STK39: variants seen among roughly 807,000 people sequenced by gnomAD.
The protein encoded by STK39 is serine/threonine kinase 39.
STK39 carries 20 observed loss-of-function variants against 77.8 expected under a neutral mutation model. The ratio of observed to expected loss-of-function variants is 0.26; its 90% CI spans 0.18 to 0.37. The LOEUF (loss-of-function observed/expected upper bound fraction) is 0.37, where lower values mean the gene tolerates loss of function less well. Among genes scored for constraint, STK39 ranks in the 10% least tolerant of loss-of-function variants. The pLI is 1.00. For synonymous variants in STK39, 246 were observed against 234.1 expected, an observed-to-expected ratio of 1.05 and a Z score of -0.47; for missense variants, 479 against 656.5, an observed-to-expected ratio of 0.73 and a Z score of 2.95.
intron 12 of STK39, among the ~76,000 whole-genome samples, chr2:168,067,475 CCT>C (rs1460072656): frequency 2.6e-5 from 4 of 152,206 alleles, no homozygotes; most frequent in Admixed American, 2.6e-4. Flanking sequence ...GCAAAAGCTC[CCT>C]GAGGCTTTCC....
intron 14 of STK39, among the ~76,000 whole-genome samples, chr2:168,042,185 T>C (rs914995094): frequency 6.6e-6 from 1 of 152,242 alleles, no homozygotes; most frequent in African/African-American, 2.4e-5. Context: ...AATCTCATTT[T>C]AGCTTCATTT....
chr2:167,991,128 C>A (rs1329108294), intron 16 of STK39, among the ~76,000 whole-genome samples: 1 of 152,204 alleles, frequency 6.6e-6, no homozygotes, highest in Non-Finnish European at 1.5e-5. Context: ...TGCTAGTCTG[C>A]AAAATCCTAT....
chr2:168,074,026 G>A (rs1325216145), intron 12 of STK39, among the ~76,000 whole-genome samples: 1 of 152,118 alleles, frequency 6.6e-6, no homozygotes, highest in African/African-American at 2.4e-5. Flanking sequence ...GCTGAAAAAT[G>A]CCTAGGAAAG....
At chr2:168,208,836 G>A (rs1201384916) in intron 1 of STK39, among the ~76,000 whole-genome samples, 2 of 152,198 alleles carry the variant, frequency 1.3e-5, no homozygotes, top group Non-Finnish European at 2.9e-5. Context: ...AACAGAGGAT[G>A]GAGCCACAAG....
At chr2:168,180,071 G>A (rs559356470) in intron 2 of STK39, among the ~76,000 whole-genome samples, 1 of 152,328 alleles carries the variant, frequency 6.6e-6, no homozygotes, top group East Asian at 1.9e-4. Flanking sequence ...TATCAGCCAG[G>A]TGCGGTGGCT....
At chr2:168,204,844 C>G (rs1689701029) in intron 1 of STK39, among the ~76,000 whole-genome samples, 1 of 152,170 alleles carries the variant, frequency 6.6e-6, no homozygotes, top group Non-Finnish European at 1.5e-5. Context: ...CCTGGATGTC[C>G]TTTTTCACTA....
intron 2 of STK39, 151 bp downstream of exon 2, chr2:168,181,827 T>C: frequency 1.6e-6 from 1 of 614,796 alleles, no homozygotes; most frequent in South Asian, 1.9e-5. Flanking sequence ...TACAGTCCCA[T>C]TAATCTGGGG....
At chr2:168,023,686 C>T (rs1020822999) in intron 14 of STK39, among the ~76,000 whole-genome samples, 4 of 152,168 alleles carry the variant, frequency 2.6e-5, no homozygotes, top group East Asian at 3.9e-4. Flanking sequence ...GTGATTAAAG[C>T]GGTAGAAATC....
chr2:168,127,663 T>C lies in STK39; in HGVS notation c.1089+1878A>G, dbSNP rs148971586. Among the ~76,000 whole-genome samples the C allele has an allele frequency of 2.2e-3, 342 of 152,346 alleles. 2 individuals carry two copies. Among genetic ancestry groups the C allele is most frequent in the African/African-American group, 7.6e-3 (317 of 41,580 alleles). On this transcript the variant is annotated intron_variant, in intron 10 of 17. Coordinates refer to ENST00000355999, the MANE Select transcript of STK39 (RefSeq NM_013233.3). ...GGTCTTTATTAGACAGGAACCATTTTTTAAATTTCTATTTTTTCATTTATT... is the reference window on the plus strand; with the variant it reads ...GGTCTTTATTAGACAGGAACCATTTCTTAAATTTCTATTTTTTCATTTATT...
chr2:168,060,335 C>T (rs369960378), intron 14 of STK39, among the ~76,000 whole-genome samples: 12 of 152,276 alleles, frequency 7.9e-5, no homozygotes, highest in African/African-American at 2.9e-4. Flanking sequence ...GAGATGGAGC[C>T]TTTGGGAGGT....
At chr2:168,129,443 A>AT in intron 10 of STK39, 98 bp downstream of exon 10, 1 of 1,328,830 alleles carries the variant, frequency 7.5e-7, no homozygotes. Flanking sequence ...TCTGAATAGT[A>AT]TATCCTGCAT....
intron 16 of STK39, among the ~76,000 whole-genome samples, chr2:167,992,886 A>T (rs1433719792): frequency 2.6e-5 from 4 of 152,220 alleles, no homozygotes; most frequent in Non-Finnish European, 5.9e-5. Flanking sequence ...TAGCATACAT[A>T]ATCCAAAATA....
chr2:167,975,074 G>A (rs1192405142), intron 16 of STK39, among the ~76,000 whole-genome samples: 1 of 152,206 alleles, frequency 6.6e-6, no homozygotes. Context: ...AAGTTAATAT[G>A]TCTAATGTTA....
At chr2:168,018,422 G>T (rs755180866) in intron 14 of STK39, among the ~76,000 whole-genome samples, 1 of 151,200 alleles carries the variant, frequency 6.6e-6, no homozygotes, top group Admixed American at 6.6e-5. Context: ...ACTGGAACCC[G>T]GCAGGTATTG....
intron 5 of STK39, among the ~76,000 whole-genome samples, chr2:168,151,916 T>C (rs1266621146): frequency 6.6e-6 from 1 of 152,098 alleles, no homozygotes; most frequent in African/African-American, 2.4e-5. Context: ...ACTGATACAG[T>C]CAATTAGCCA....
intron 13 of STK39, among the ~76,000 whole-genome samples, chr2:168,064,257 C>T (rs752759798): frequency 2.6e-5 from 4 of 152,164 alleles, no homozygotes; most frequent in Non-Finnish European, 5.9e-5. Flanking sequence ...AAATGCTCTA[C>T]AGTACTAGTT....
chr2:168,175,070 T>C (rs2105614847), intron 2 of STK39, among the ~76,000 whole-genome samples: 1 of 152,266 alleles, frequency 6.6e-6, no homozygotes, highest in East Asian at 1.9e-4. Flanking sequence ...ACAACCCTCC[T>C]GCAGCCTCCT....
At chr2:168,236,068 C>T (rs1574582286) in intron 1 of STK39, among the ~76,000 whole-genome samples, 1 of 151,592 alleles carries the variant, frequency 6.6e-6, no homozygotes, top group African/African-American at 2.4e-5. Context: ...TACAGTCCCA[C>T]CAACAGTGTA....
chr2:168,035,665 T>C (rs1344397102), intron 14 of STK39, among the ~76,000 whole-genome samples: 1 of 152,126 alleles, frequency 6.6e-6, no homozygotes, highest in Non-Finnish European at 1.5e-5. Flanking sequence ...AGAAACCACA[T>C]AGAAACAAAG....
Sources: gnomAD v4.1 joint callset for allele counts (sites outside exome capture counted in the v4.1 genomes callset) on GRCh38, gnomAD v4.1.1 for gene constraint, MANE v1.5 for transcripts, NCBI Gene and HGNC (gene_info 2026-07-23, HGNC 2026-07-21) for gene names.